Variants in TRAK1 observed in about 807,000 individuals in gnomAD.
The protein encoded by TRAK1 is trafficking kinesin protein 1, also known as trafficking kinesin-binding protein 1.
TRAK1 carries 33 observed loss-of-function variants against 92.1 expected under a neutral mutation model. That is an observed-to-expected ratio of 0.36 (90% CI 0.27 to 0.48). TRAK1 has a LOEUF of 0.48. TRAK1 is among the 20% of genes least tolerant of loss of function. TRAK1 has a pLI of 0.99. For missense variants in TRAK1, 1,123 were observed against 1,257.9 expected, an observed-to-expected ratio of 0.89 and a Z score of 1.62; for synonymous variants, 521 against 517.3, an observed-to-expected ratio of 1.01 and a Z score of -0.10.
At chr3:42,111,349 G>A (rs190200512) in intron 1 of TRAK1, among the ~76,000 whole-genome samples, 1 of 151,920 alleles carries the variant, frequency 6.6e-6, no homozygotes, top group African/African-American at 2.4e-5. Flanking sequence ...CCTCCTTATT[G>A]TCCGTGGACT....
intron 1 of TRAK1, among the ~76,000 whole-genome samples, chr3:42,038,812 T>G (rs1240890196): frequency 2.2e-4 from 32 of 146,882 alleles, no homozygotes; most frequent in Non-Finnish European, 4.7e-4. Flanking sequence ...AGTTTTTTTT[T>G]TTTTTTTTTT....
intron 11 of TRAK1, among the ~76,000 whole-genome samples, chr3:42,200,529 G>A (rs550715463): frequency 4.8e-4 from 73 of 152,252 alleles, no homozygotes; most frequent in Admixed American, 2.2e-3. Flanking sequence ...TTATTTGTGG[G>A]TTAAGCTTTA....
At chr3:42,194,395 C>A (rs1706285237) in intron 9 of TRAK1, among the ~76,000 whole-genome samples, 1 of 109,758 alleles carries the variant, frequency 9.1e-6, no homozygotes, top group Non-Finnish European at 1.9e-5. Flanking sequence ...ACCACACCCA[C>A]CTAATTTTTG....
chr3:42,032,126 T>C (rs936660067), intron 1 of TRAK1, among the ~76,000 whole-genome samples: 1 of 152,210 alleles, frequency 6.6e-6, no homozygotes, highest in African/African-American at 2.4e-5. Flanking sequence ...TGTGTGCTGA[T>C]GCTTCAAGTG....
At chr3:42,211,360 T>C (rs752091656) in intron 14 of TRAK1, 1 of 985,444 alleles carries the variant, frequency 1.0e-6, no homozygotes, top group Non-Finnish European at 1.2e-6. Context: ...TAGGTTTATT[T>C]ATGGTTTGAT....
intron 14 of TRAK1, among the ~76,000 whole-genome samples, chr3:42,216,970 G>T (rs575056283): frequency 6.6e-6 from 1 of 152,208 alleles, no homozygotes; most frequent in South Asian, 2.1e-4. Context: ...CTTCTGCAAA[G>T]AACTTTCTGT....
chr3:42,217,798 C>T (rs1466974660), intron 14 of TRAK1: 1 of 985,300 alleles, frequency 1.0e-6, no homozygotes, highest in Non-Finnish European at 1.2e-6. Flanking sequence ...TGTTTCTAGA[C>T]CTTATTGCGG....
chr3:42,031,445 C>T (rs1033759976), intron 1 of TRAK1, among the ~76,000 whole-genome samples: 1 of 151,786 alleles, frequency 6.6e-6, no homozygotes, highest in Non-Finnish European at 1.5e-5. Context: ...AGCTTGATAG[C>T]AACATAGCGA....
intron 11 of TRAK1, among the ~76,000 whole-genome samples, chr3:42,199,645 A>G (rs910927433): frequency 1.3e-5 from 2 of 152,196 alleles, no homozygotes; most frequent in African/African-American, 2.4e-5. Context: ...TTTTGTAGAC[A>G]TAGGGCTTCA....
chr3:42,096,242 TTTTA>T (rs1354692148), intron 1 of TRAK1, among the ~76,000 whole-genome samples: 1 of 152,190 alleles, frequency 6.6e-6, no homozygotes, highest in East Asian at 1.9e-4. Flanking sequence ...AAAAACATAA[TTTTA>T]TTTATTTTAT....
chr3:42,046,635 C>T (rs1702763057), intron 1 of TRAK1, among the ~76,000 whole-genome samples: 1 of 152,154 alleles, frequency 6.6e-6, no homozygotes, highest in Non-Finnish European at 1.5e-5. Context: ...AGGATGTCTA[C>T]AGAATGCTTG....
chr3:42,075,342 A>G (rs1266203219), intron 1 of TRAK1, among the ~76,000 whole-genome samples: 3 of 36,374 alleles, frequency 8.2e-5, no homozygotes, highest in Non-Finnish European at 2.2e-4. Flanking sequence ...CTCAGTCTCA[A>G]AAAAAAAAAA....
chr3:42,116,093 C>T (rs1709123202), intron 1 of TRAK1, among the ~76,000 whole-genome samples: 1 of 152,202 alleles, frequency 6.6e-6, no homozygotes, highest in African/African-American at 2.4e-5. Flanking sequence ...TACTAGTTAC[C>T]AGGCAGGGTT....
chr3:42,105,014 C>T (rs1040095155), intron 1 of TRAK1, among the ~76,000 whole-genome samples: 7 of 148,794 alleles, frequency 4.7e-5, no homozygotes, highest in South Asian at 4.2e-4. Context: ...TGCAATGGCT[C>T]GGTCTTGGCT....
chr3:42,060,032 T>A (rs1703362750), intron 1 of TRAK1, among the ~76,000 whole-genome samples: 1 of 152,232 alleles, frequency 6.6e-6, no homozygotes, highest in South Asian at 2.1e-4. Flanking sequence ...AAATGTCTTT[T>A]CTTTTTAAAA....
At chr3:42,118,183 A>G (rs1042867564) in intron 1 of TRAK1, among the ~76,000 whole-genome samples, 5 of 151,408 alleles carry the variant, frequency 3.3e-5, no homozygotes, top group Non-Finnish European at 7.4e-5. Flanking sequence ...TCCCGGGTTC[A>G]AGCAGTTCTT....
intron 15 of TRAK1, among the ~76,000 whole-genome samples, chr3:42,222,320 G>GT (rs1710439602): frequency 1.3e-5 from 2 of 152,126 alleles, no homozygotes; most frequent in Non-Finnish European, 2.9e-5. Flanking sequence ...ATATAAAGAG[G>GT]GTTAAGGGCA....
chr3:42,021,363 A>G (rs1455775309), intron 1 of TRAK1, among the ~76,000 whole-genome samples: 1 of 152,198 alleles, frequency 6.6e-6, no homozygotes, highest in Non-Finnish European at 1.5e-5. Context: ...CAATTGCTTT[A>G]TGTACCTGAG....
intron 1 of TRAK1, among the ~76,000 whole-genome samples, chr3:42,075,064 C>G (rs550265433): frequency 6.6e-6 from 1 of 152,076 alleles, no homozygotes; most frequent in Non-Finnish European, 1.5e-5. Context: ...GCGTAGCATT[C>G]TGTGGTATAT....
Sources: allele counts gnomAD v4.1 joint callset (sites outside exome capture counted in the v4.1 genomes callset), GRCh38; gene constraint gnomAD v4.1.1; transcripts MANE v1.5; gene names NCBI Gene and HGNC (gene_info 2026-07-23, HGNC 2026-07-21).